ARL9: variants seen among roughly 807,000 people sequenced by gnomAD.
The protein encoded by ARL9 is ADP-ribosylation factor-like protein 9.
Under a neutral mutation model 27.0 loss-of-function variants are expected in ARL9, and 14 were observed. The observed-to-expected ratio is 0.52, with a 90% CI of 0.34 to 0.81. The LOEUF is 0.81. ARL9 is among the 30% of genes least tolerant of loss of function. The pLI is 0.01. For synonymous variants in ARL9, 106 were observed against 108.7 expected, an observed-to-expected ratio of 0.98 and a Z score of 0.15; for missense variants, 294 against 290.0, an observed-to-expected ratio of 1.01 and a Z score of -0.10.
At chr4:56,519,171 A>C (rs1486838415) in intron 3 of ARL9, among the ~76,000 whole-genome samples, 2 of 152,240 alleles carry the variant, frequency 1.3e-5, no homozygotes, top group Admixed American at 1.3e-4. Context: ...ATTTTGCTTT[A>C]GACCTATCAG....
chr4:56,512,622 C>T (rs1215403648), intron 2 of ARL9, among the ~76,000 whole-genome samples: 1 of 151,576 alleles, frequency 6.6e-6, no homozygotes, highest in African/African-American at 2.4e-5. Context: ...TCACTGCAAC[C>T]TCTGCCTCCT....
intron 1 of ARL9, among the ~76,000 whole-genome samples, chr4:56,510,354 C>CA (rs769085578): frequency 6.2e-3 from 468 of 75,032 alleles, no homozygotes; most frequent in Middle Eastern, 0.018. Flanking sequence ...GACTCCAACT[C>CA]AAAAAAAAAA....
rs111744815 is a variant in ARL9, at chr4:56,508,211, A to C, written c.279+2070A>C. On this transcript the variant is annotated intron_variant, in intron 1 of 3. Coordinates refer to ENST00000640821, the MANE Select transcript of ARL9 (RefSeq NM_001363794.2). ...CATGCAATTTTAAGCCATCCAATGA[A>C]GTCTCCCTTGCCCCTCTTCCTTACC... 2.0e-3 allele frequency among the ~76,000 whole-genome samples: 291 copies of C among 147,428 alleles called. 10 individuals carry two copies. The South Asian group carries it at 0.04, about 20-fold the overall frequency.
At chr4:56,522,352 C>T (rs1336404796) in intron 3 of ARL9, among the ~76,000 whole-genome samples, 4 of 149,800 alleles carry the variant, frequency 2.7e-5, no homozygotes, top group Non-Finnish European at 5.9e-5. Context: ...ACCTGGGAGG[C>T]GGAGGTTGCA....
intron 1 of ARL9, among the ~76,000 whole-genome samples, chr4:56,509,210 G>GT (rs56840959): frequency 0.017 from 2,403 of 137,380 alleles, 42 homozygotes; most frequent in African/African-American, 0.034. Flanking sequence ...TCTTTTTTTT[G>GT]TTTTTTTTTT....
Position 56,524,044 on chromosome 4 carries a change from G to A in ARL9, c.*168G>A. On this transcript the variant is annotated 3_prime_UTR_variant, in exon 4 of 4. Transcript: ENST00000640821. ...CCATATCCATGGGTTCCACATCTGG[G>A]GATTCAAGAACTGTGGATCCAAAAC... 1 of 508,120 alleles carries A rather than the reference G, an allele frequency of 2.0e-6. No individual in the cohort carries two copies. The highest frequency in any genetic ancestry group is 3.2e-6 in the Non-Finnish European group (1 of 308,162). The allele number at this position is 508,120 out of a possible 1,614,324, so 31.5% of individuals were successfully genotyped here.
rs752209750 is a variant in ARL9 at position 56,505,866 on chromosome 4, G to A, written c.4G>A (p.Glu2Lys). ...GAAGGAAACCGCGGCGCTGGGGATG[G>A]AGAGGGGGAAAGTGAAGAAGAAAGA... M[E>K]RGKVKKKEKE... The change falls in exon 1 of 4, where the codon GAG becomes AAG. Residue 2 changes from glutamate to lysine, a missense_variant. Coordinates refer to ENST00000640821, the MANE Select transcript of ARL9 (RefSeq NM_001363794.2). 2.2e-4 allele frequency: 275 copies of A among 1,274,310 alleles called. 1 individual carries two copies. The highest frequency in any genetic ancestry group is 5.6e-4 in the Admixed American group (15 of 26,880). The allele number at this position is 1,274,310 out of a possible 1,614,324, so 78.9% of individuals were successfully genotyped here.
rs138329539 is a variant in ARL9, at chr4:56,516,409, G to A, written c.443-2269G>A. ...ATTAAAAAGATGCCACAAAATAGGG[G>A]AAGATACATGCAACACATCCAAGCA... On this transcript the variant is annotated intron_variant, in intron 2 of 3. Transcript: ENST00000640821. Among the ~76,000 whole-genome samples, 694 of 151,918 alleles carry A rather than the reference G, an allele frequency of 4.6e-3. 7 individuals are homozygous for A. Among genetic ancestry groups the A allele is most frequent in the African/African-American group, 0.016 (655 of 41,434 alleles).
At chr4:56,522,679 G>A (rs1466684617) in intron 3 of ARL9, among the ~76,000 whole-genome samples, 1 of 152,198 alleles carries the variant, frequency 6.6e-6, no homozygotes, top group Non-Finnish European at 1.5e-5. Flanking sequence ...AGTTAAAGAT[G>A]TATGTTTTGA....
In ARL9 at chr4:56,524,233, T is replaced by C. The variant is rs146602954; in HGVS notation, c.*357T>C. On this transcript the variant is annotated 3_prime_UTR_variant, in exon 4 of 4. Transcript: ENST00000640821. ...CACGAGTAGAAGTGTGTAGGTTATA[T>C]GTAAATATGCCATTTTCCATCAGGA... 9.5e-4 allele frequency: 159 copies of C among 168,224 alleles called. No individual in the cohort carries two copies. In the East Asian group the frequency reaches 0.011, roughly 12 times the overall value. 10.4% of individuals were successfully genotyped at this position (168,224 alleles called of 1,614,324 possible). A position where few individuals can be genotyped will look rare whatever the true frequency, so the allele number is the denominator to read the frequency against.
chr4:56,518,721 A>G lies in ARL9; in HGVS notation c.486A>G (p.Leu162=). Residue 162 remains leucine, a synonymous_variant, in exon 3 of 4, where the codon CTA becomes CTG. Coordinates refer to ENST00000640821, the MANE Select transcript of ARL9 (RefSeq NM_001363794.2). ...TTCGGTCCTACTGGGAAATGTACCT[A>G]TCCAAGGGATTGCTGCTGATCTTTG... The part of the protein sequence containing the change: ...KPFRSYWEMY[L]SKGLLLIFVV... 6.2e-7 allele frequency: 1 copy of G among 1,613,934 alleles called. No individual in the cohort carries two copies.
At chr4:56,517,078 G>A (rs766193203) in intron 2 of ARL9, among the ~76,000 whole-genome samples, 5 of 152,230 alleles carry the variant, frequency 3.3e-5, no homozygotes, top group Non-Finnish European at 7.3e-5. Context: ...GATACAAGGA[G>A]AAACTCTTGC....
rs150490806 is a variant in ARL9 at position 56,523,584 on chromosome 4, A to G, written c.619-113A>G. On this transcript the variant is annotated intron_variant, in intron 3 of 3. Coordinates refer to ENST00000640821, the MANE Select transcript of ARL9 (RefSeq NM_001363794.2). ...TAATAATGGAGTCACAATAGCCTCTATATGAAAATGGTGTGGTCACTGAGA... is the reference window on the plus strand; with the variant it reads ...TAATAATGGAGTCACAATAGCCTCTGTATGAAAATGGTGTGGTCACTGAGA... 78 of 795,350 alleles carry G rather than the reference A, an allele frequency of 9.8e-5. No homozygotes were observed. The African/African-American group carries it at 1.0e-3, about 10-fold the overall frequency. The allele number at this position is 795,350 out of a possible 1,614,324, so 49.3% of individuals were successfully genotyped here.
chr4:56,516,713 TGGAG>T (rs1721777525), intron 2 of ARL9, among the ~76,000 whole-genome samples: 1 of 152,016 alleles, frequency 6.6e-6, no homozygotes. Context: ...GGTGGATCAC[TGGAG>T]TTCAAGGGTT....
At chr4:56,517,791 T>C (rs1304752987) in intron 2 of ARL9, among the ~76,000 whole-genome samples, 2 of 152,072 alleles carry the variant, frequency 1.3e-5, no homozygotes, top group Non-Finnish European at 2.9e-5. Context: ...TTTTTTTTTC[T>C]GAAGCAAATA....
chr4:56,520,214 G>A (rs1472507453), intron 3 of ARL9, among the ~76,000 whole-genome samples: 3 of 152,092 alleles, frequency 2.0e-5, no homozygotes, highest in Admixed American at 6.5e-5. Context: ...TGTTGGCCAC[G>A]CTGATCTCGA....
intron 2 of ARL9, 95 bp downstream of exon 2, chr4:56,511,442 A>C (rs761097100): frequency 8.5e-6 from 11 of 1,296,326 alleles, no homozygotes; most frequent in Non-Finnish European, 1.2e-5. Context: ...GTGAAAACTA[A>C]CACTGAATCA....
At chr4:56,517,065 T>C (rs1434623637) in intron 2 of ARL9, among the ~76,000 whole-genome samples, 2 of 152,248 alleles carry the variant, frequency 1.3e-5, no homozygotes, top group Non-Finnish European at 2.9e-5. Flanking sequence ...AGTTACATGC[T>C]TAGATACAAG....
At chr4:56,518,236 C>T (rs1721819308) in intron 2 of ARL9, among the ~76,000 whole-genome samples, 1 of 152,076 alleles carries the variant, frequency 6.6e-6, no homozygotes. Context: ...AGGGCCTCAC[C>T]CTGTCGCCCA....
Sources: gnomAD v4.1 joint callset for allele counts (sites outside exome capture counted in the v4.1 genomes callset) on GRCh38, gnomAD v4.1.1 for gene constraint, MANE v1.5 for transcripts, NCBI Gene and HGNC (gene_info 2026-07-23, HGNC 2026-07-21) for gene names.